The following GRIN2B variants were observed in gnomAD, a reference collection of about 807,000 sequenced individuals.
GRIN2B encodes glutamate ionotropic receptor NMDA type subunit 2B, also known as glutamate receptor ionotropic, NMDA 2B.
A neutral mutation model predicts 114.5 loss-of-function variants in GRIN2B; 5 were observed. The ratio of observed to expected loss-of-function variants is 0.04; its 90% CI spans 0.02 to 0.09. GRIN2B has a LOEUF of 0.09. Among genes scored for constraint, GRIN2B ranks in the 10% least tolerant of loss-of-function variants. The pLI, the probability that GRIN2B is intolerant of heterozygous loss-of-function variation, is 1.00. For missense variants in GRIN2B, 1,108 were observed against 1,943.5 expected (o/e 0.57, Z 8.08); for synonymous variants, 787 against 745.1 (o/e 1.06, Z -0.92).
chr12:13,572,159 C>T (rs1948716693), intron 10 of GRIN2B, among the ~76,000 whole-genome samples, 195 bp from the exon 11 acceptor site: 1 of 152,196 alleles, frequency 6.6e-6, no homozygotes, highest in Non-Finnish European at 1.5e-5. Context: ...AAGCAGACTT[C>T]AATTCAATTC....
intron 3 of GRIN2B, among the ~76,000 whole-genome samples, chr12:13,833,209 G>C (rs1406970059): frequency 6.6e-6 from 1 of 152,134 alleles, no homozygotes; most frequent in Non-Finnish European, 1.5e-5. Flanking sequence ...TAACTCATGG[G>C]TATATCATCA....
intron 4 of GRIN2B, among the ~76,000 whole-genome samples, chr12:13,746,914 C>T (rs1009422640): frequency 1.3e-5 from 2 of 152,178 alleles, no homozygotes; most frequent in African/African-American, 4.8e-5. Flanking sequence ...TCCTGAGGCC[C>T]TGACCAGAAG....
intron 4 of GRIN2B, among the ~76,000 whole-genome samples, chr12:13,690,198 G>A (rs1193256472): frequency 6.6e-6 from 1 of 151,738 alleles, no homozygotes; most frequent in East Asian, 1.9e-4. Flanking sequence ...TTATTGATTT[G>A]TTTTTCACTT....
chr12:13,908,321 G>A (rs888831659), intron 2 of GRIN2B, among the ~76,000 whole-genome samples: 1 of 151,924 alleles, frequency 6.6e-6, no homozygotes, highest in Admixed American at 6.6e-5. Flanking sequence ...ATACTATCTT[G>A]AGACAATTGA....
At chr12:13,794,488 G>A (rs1207545660) in intron 3 of GRIN2B, among the ~76,000 whole-genome samples, 1 of 152,008 alleles carries the variant, frequency 6.6e-6, no homozygotes, top group Non-Finnish European at 1.5e-5. Context: ...CCATTACTGT[G>A]AACCACTCCC....
At position 13,627,876 on chromosome 12, in the gene GRIN2B, C is replaced by T. The variant is rs952420141; in HGVS notation, c.1126-11219G>A. Reference sequence around the variant, plus strand: ...TAGGTGCAGTCATTTGCATGCCTTCCGTCTCCTCTTCTATTCCCCATGCAC... The same window carrying T: ...TAGGTGCAGTCATTTGCATGCCTTCTGTCTCCTCTTCTATTCCCCATGCAC... On this transcript the variant is annotated intron_variant, in intron 5 of 13. Coordinates refer to ENST00000609686, the MANE Select transcript of GRIN2B (RefSeq NM_000834.5). Among the ~76,000 whole-genome samples the T allele has an allele frequency of 7.2e-5, 11 of 152,204 alleles. No individual in the cohort carries two copies. The East Asian group carries it at 7.7e-4, about 11-fold the overall frequency.
chr12:13,979,189 A>G (rs956940240), intron 2 of GRIN2B, among the ~76,000 whole-genome samples: 1 of 152,216 alleles, frequency 6.6e-6, no homozygotes, highest in African/African-American at 2.4e-5. Flanking sequence ...CTCAAAAATA[A>G]TAGCACAGGA....
chr12:13,949,758 G>T (rs892819895), intron 2 of GRIN2B, among the ~76,000 whole-genome samples: 1 of 152,170 alleles, frequency 6.6e-6, no homozygotes, highest in Non-Finnish European at 1.5e-5. Flanking sequence ...GATGGGCCAT[G>T]AGACAGAGAT....
intron 3 of GRIN2B, among the ~76,000 whole-genome samples, chr12:13,835,791 A>C (rs968672595): frequency 6.6e-6 from 1 of 151,610 alleles, no homozygotes; most frequent in Non-Finnish European, 1.5e-5. Context: ...AAAAAAAAAA[A>C]AAAAGAAAGC....
intron 9 of GRIN2B, chr12:13,610,146 T>A (rs1021077511): frequency 1.3e-5 from 2 of 152,218 alleles, no homozygotes; most frequent in Admixed American, 6.5e-5. Flanking sequence ...GATATGTAAC[T>A]GTGCACACAC....
intron 3 of GRIN2B, among the ~76,000 whole-genome samples, chr12:13,757,005 T>C (rs1863587592): frequency 1.3e-5 from 2 of 152,170 alleles, no homozygotes; most frequent in African/African-American, 4.8e-5. Flanking sequence ...TTGATATGGC[T>C]CCATCATCCC....
At chr12:13,727,118 G>T (rs1863003589) in intron 4 of GRIN2B, among the ~76,000 whole-genome samples, 1 of 152,098 alleles carries the variant, frequency 6.6e-6, no homozygotes, top group Non-Finnish European at 1.5e-5. Context: ...TTGAATATAG[G>T]TAAGAGGCTC....
chr12:13,608,259 G>A (rs904238504), intron 10 of GRIN2B, among the ~76,000 whole-genome samples: 7 of 152,108 alleles, frequency 4.6e-5, no homozygotes, highest in African/African-American at 1.7e-4. Flanking sequence ...GGTACACGGC[G>A]GCGGTCCTCT....
chr12:13,559,329 G>A lies in GRIN2B; in HGVS notation c.*3454C>T, dbSNP rs1948510657. 6.6e-6 allele frequency: 1 copy of A among 152,156 alleles called. No individual in the cohort carries two copies. Among genetic ancestry groups the A allele is most frequent in the South Asian group, 2.1e-4 (1 of 4,830 alleles). 9.4% of individuals were successfully genotyped at this position (152,156 alleles called of 1,614,324 possible). A position where few individuals can be genotyped will look rare whatever the true frequency, so the allele number is the denominator to read the frequency against. On this transcript the variant is annotated 3_prime_UTR_variant, in exon 14 of 14. Transcript: ENST00000609686. ...TAACAGCTTTTATGATGGGAGGATA[G>A]GAAAAAATGTAGTGAATATACTGGG... is the stretch of plus-strand genomic sequence containing the variant.
At chr12:13,892,593 A>G (rs139164837) in intron 2 of GRIN2B, among the ~76,000 whole-genome samples, 33 of 152,240 alleles carry the variant, frequency 2.2e-4, no homozygotes, top group African/African-American at 7.7e-4. Flanking sequence ...CTAATCTCCA[A>G]CAGCTTGCTT....
chr12:13,922,051 C>T (rs564397959), intron 2 of GRIN2B, among the ~76,000 whole-genome samples: 107 of 152,146 alleles, frequency 7.0e-4, no homozygotes, highest in African/African-American at 2.4e-3. Context: ...AGGGTTGGAA[C>T]GAAGGTTTGA....
intron 4 of GRIN2B, among the ~76,000 whole-genome samples, chr12:13,707,519 C>G (rs1045103785): frequency 1.3e-5 from 2 of 151,976 alleles, no homozygotes; most frequent in African/African-American, 4.8e-5. Flanking sequence ...ACATTATTTT[C>G]TTGGGGTCTT....
Position 13,564,693 on chromosome 12 carries a change from A to G in GRIN2B, c.2599-54T>C, listed in dbSNP as rs1017127180. 4.1e-6 allele frequency: 6 copies of G among 1,464,712 alleles called. No individual in the cohort carries two copies. In the African/African-American group the frequency reaches 5.5e-5, roughly 14 times the overall value. The allele number at this position is 1,464,712 out of a possible 1,614,324, so 90.7% of individuals were successfully genotyped here. On this transcript the variant is annotated intron_variant, in intron 13 of 13. Coordinates refer to ENST00000609686, the MANE Select transcript of GRIN2B (RefSeq NM_000834.5). This position sits in a 1 kb window ranked among gnomAD's most constrained non-coding sequence, Gnocchi z 4.8. Reference sequence around the variant, plus strand: ...ATCTCCAGAGAGGCTAGAAATGACCACAAAAAACACTCTCCCACCAATAAT... The same window carrying G: ...ATCTCCAGAGAGGCTAGAAATGACCGCAAAAAACACTCTCCCACCAATAAT...
chr12:13,940,751 A>G (rs1401430808), intron 2 of GRIN2B, among the ~76,000 whole-genome samples: 3 of 152,100 alleles, frequency 2.0e-5, no homozygotes, highest in African/African-American at 7.2e-5. Context: ...TGAAATTTAC[A>G]TTTCACTAAA....
Sources: allele counts gnomAD v4.1 joint callset (sites outside exome capture counted in the v4.1 genomes callset), GRCh38; gene constraint gnomAD v4.1.1; non-coding constraint Gnocchi (gnomAD v3.1); transcripts MANE v1.5; gene names NCBI Gene and HGNC (gene_info 2026-07-23, HGNC 2026-07-21).